The following FAT3 variants were observed in gnomAD, a reference collection of about 807,000 sequenced individuals.
FAT3 encodes protocadherin Fat 3.
FAT3 carries 95 observed loss-of-function variants against 310.2 expected under a neutral mutation model. The ratio of observed to expected loss-of-function variants is 0.31; its 90% CI spans 0.26 to 0.36. The LOEUF (loss-of-function observed/expected upper bound fraction) is 0.36. FAT3 is among the 10% of genes least tolerant of loss of function. FAT3 has a pLI of 1.00. For synonymous variants in FAT3, 2,314 were observed against 2,192.9 expected, an observed-to-expected ratio of 1.06 and a Z score of -1.54; for missense variants, 5,408 against 5,715.6, an observed-to-expected ratio of 0.95 and a Z score of 1.74.
chr11:92,299,357 C>G (rs1946931822), intron 1 of FAT3, among the ~76,000 whole-genome samples: 1 of 151,998 alleles, frequency 6.6e-6, no homozygotes, highest in Non-Finnish European at 1.5e-5. Flanking sequence ...AATCTAGTTA[C>G]CTGGGTTGGA....
chr11:92,818,420 C>A (rs141361315), intron 13 of FAT3, among the ~76,000 whole-genome samples: 2 of 152,286 alleles, frequency 1.3e-5, no homozygotes, highest in African/African-American at 2.4e-5. Context: ...AAGAAACTGG[C>A]TCTGTCCGTG....
At chr11:92,430,890 T>A (rs1950753108) in intron 2 of FAT3, among the ~76,000 whole-genome samples, 1 of 152,172 alleles carries the variant, frequency 6.6e-6, no homozygotes, top group Non-Finnish European at 1.5e-5. Flanking sequence ...TGTGCCACAT[T>A]TTCTTAATCC....
intron 1 of FAT3, among the ~76,000 whole-genome samples, chr11:92,255,346 A>G (rs779963542): frequency 6.6e-6 from 1 of 151,320 alleles, no homozygotes; most frequent in Non-Finnish European, 1.5e-5. Context: ...TTTTTTAAAA[A>G]AAAAAAAAAG....
chr11:92,325,396 AATGAGT>A (rs1947736793), intron 1 of FAT3, among the ~76,000 whole-genome samples: 1 of 152,206 alleles, frequency 6.6e-6, no homozygotes, highest in Non-Finnish European at 1.5e-5. Context: ...AGGTGTACAC[AATGAGT>A]ATAACAGTTT....
chr11:92,566,916 C>T (rs912565506), intron 3 of FAT3, among the ~76,000 whole-genome samples: 16 of 152,044 alleles, frequency 1.1e-4, no homozygotes, highest in Admixed American at 7.9e-4. Flanking sequence ...AAACGTTAGA[C>T]CTAAAACCAT....
At chr11:92,718,116 C>A (rs577814020) in intron 4 of FAT3, among the ~76,000 whole-genome samples, 1 of 152,098 alleles carries the variant, frequency 6.6e-6, no homozygotes, top group Non-Finnish European at 1.5e-5. Context: ...CCTGGCTTCT[C>A]TTCTTATTGT....
At chr11:92,310,056 A>G (rs1947258354) in intron 1 of FAT3, among the ~76,000 whole-genome samples, 1 of 152,156 alleles carries the variant, frequency 6.6e-6, no homozygotes, top group African/African-American at 2.4e-5. Flanking sequence ...AAAGAAAAAC[A>G]ACAAAAAACA....
intron 1 of FAT3, among the ~76,000 whole-genome samples, chr11:92,240,914 AT>A (rs1864647926): frequency 1.3e-5 from 2 of 152,036 alleles, no homozygotes; most frequent in East Asian, 3.9e-4. Context: ...TATAATCCAC[AT>A]CCTTGTAGAA....
intron 3 of FAT3, among the ~76,000 whole-genome samples, chr11:92,652,235 C>T (rs1334096662): frequency 2.0e-5 from 3 of 152,158 alleles, no homozygotes; most frequent in Admixed American, 1.3e-4. Context: ...CACTTTTATC[C>T]GCTGGGCACA....
intron 11 of FAT3, among the ~76,000 whole-genome samples, chr11:92,805,591 A>G (rs1723146654): frequency 6.6e-6 from 1 of 151,844 alleles, no homozygotes; most frequent in African/African-American, 2.4e-5. Flanking sequence ...AAAGAAAGAA[A>G]CCAATGTCTT....
intron 2 of FAT3, among the ~76,000 whole-genome samples, chr11:92,504,593 C>T (rs566227777): frequency 4.6e-5 from 7 of 152,188 alleles, no homozygotes; most frequent in African/African-American, 1.7e-4. Context: ...ATATATTATA[C>T]TTTTGCCTCC....
chr11:92,857,096 C>A, intron 19 of FAT3, 118 bp from the exon 20 acceptor site: 1 of 1,445,564 alleles, frequency 6.9e-7, no homozygotes, highest in Non-Finnish European at 9.6e-7. Context: ...CAGCTCAGAG[C>A]CCACATATCC....
At chr11:92,282,360 T>C (rs1364436592) in intron 1 of FAT3, among the ~76,000 whole-genome samples, 1 of 152,154 alleles carries the variant, frequency 6.6e-6, no homozygotes, top group Non-Finnish European at 1.5e-5. Context: ...TCACAGTGTA[T>C]TCATACATGA....
At chr11:92,419,470 C>T (rs946508643) in intron 2 of FAT3, among the ~76,000 whole-genome samples, 1 of 151,976 alleles carries the variant, frequency 6.6e-6, no homozygotes, top group African/African-American at 2.4e-5. Context: ...GTATAGGATG[C>T]CTAGAACAGA....
intron 19 of FAT3, 143 bp from the exon 20 acceptor site, chr11:92,857,071 G>A: frequency 8.4e-7 from 1 of 1,185,190 alleles, no homozygotes. Flanking sequence ...ACTTCTGAGT[G>A]GCATCTTTGT....
intron 22 of FAT3, among the ~76,000 whole-genome samples, chr11:92,872,172 C>T (rs753391956): frequency 6.6e-6 from 1 of 152,144 alleles, no homozygotes; most frequent in Non-Finnish European, 1.5e-5. Flanking sequence ...ACTTTGGGGC[C>T]ACTTTGGATA....
rs1293555844 is a variant in FAT3, at chr11:92,799,125, A to G, written c.6112A>G (p.Thr2038Ala). 1 of 1,613,950 alleles carries G rather than the reference A, an allele frequency of 6.2e-7. No homozygotes were observed. Among genetic ancestry groups the G allele is most frequent in the Admixed American group, 1.7e-5 (1 of 60,022 alleles). Residue 2038 changes from threonine to alanine, a missense_variant, in exon 10 of 28, where the codon ACT becomes GCT. Around this residue, in one of 5 missense-constraint regions of FAT3, gnomAD observed 4,588 missense variants for 4,809.8 expected, o/e 0.95. Transcript: ENST00000525166. ...IKSTSGVIQT[T>A]GVPFDREEQE... ...ATCTACCTCAGGGGTCATTCAGACGACTGGAGTCCCCTTTGACCGTGAAGA... is the reference window on the plus strand; with the variant it reads ...ATCTACCTCAGGGGTCATTCAGACGGCTGGAGTCCCCTTTGACCGTGAAGA...
chr11:92,735,419 T>C (rs914070554), intron 4 of FAT3, among the ~76,000 whole-genome samples: 5 of 152,282 alleles, frequency 3.3e-5, no homozygotes, highest in Middle Eastern at 3.4e-3. Flanking sequence ...ATTACTTATA[T>C]AGCTTTTGCT....
At chr11:92,880,710 T>C (rs1314401455) in intron 22 of FAT3, 21 bp from the exon 23 acceptor site, 1 of 1,607,944 alleles carries the variant, frequency 6.2e-7, no homozygotes, top group Non-Finnish European at 8.5e-7. Flanking sequence ...CCATGGCTCA[T>C]GAGGTCCTCT....
Sources: gnomAD v4.1 joint callset for allele counts (sites outside exome capture counted in the v4.1 genomes callset) on GRCh38, gnomAD v4.1.1 for gene constraint, gnomAD v4.1.1 regional missense constraint, MANE v1.5 for transcripts, NCBI Gene and HGNC (gene_info 2026-07-23, HGNC 2026-07-21) for gene names.